ASPG: variants seen among roughly 807,000 people sequenced by gnomAD.
ASPG encodes the protein asparaginase, also known as 60 kDa lysophospholipase.
In ASPG, 53 loss-of-function variants were observed where a neutral mutation model predicts 63.2. The observed-to-expected ratio is 0.84, with a 90% CI of 0.67 to 1.05. The LOEUF (loss-of-function observed/expected upper bound fraction) is 1.05, where lower values mean the gene tolerates loss of function less well. Ranked by LOEUF, ASPG falls within the 50% of genes least tolerant of loss-of-function variation. ASPG has a pLI of 0.00. For missense variants in ASPG, 741 were observed against 794.4 expected, an observed-to-expected ratio of 0.93 and a Z score of 0.81; for synonymous variants, 370 against 355.0, an observed-to-expected ratio of 1.04 and a Z score of -0.48.
intron 6 of ASPG, 131 bp from the exon 7 acceptor site, chr14:104,103,432 G>A: frequency 1.3e-6 from 1 of 757,650 alleles, no homozygotes; most frequent in Non-Finnish European, 2.1e-6. Flanking sequence ...AGGGCGAGGG[G>A]GCTGAGCCGC....
In ASPG at chr14:104,114,928, G is replaced by A. The variant is rs1294684634; in HGVS notation, c.*2384G>A. The A allele has an allele frequency of 6.6e-6, 1 of 152,240 alleles. No homozygotes were observed. Among genetic ancestry groups the A allele is most frequent in the Non-Finnish European group, 1.5e-5 (1 of 68,074 alleles). 9.4% of individuals were successfully genotyped at this position (152,240 alleles called of 1,614,324 possible). A position where few individuals can be genotyped will look rare whatever the true frequency, so the allele number is the denominator to read the frequency against. On this transcript the variant is annotated 3_prime_UTR_variant, in exon 16 of 16. Coordinates refer to ENST00000551177, the MANE Select transcript of ASPG (RefSeq NM_001080464.3). ...CGCCTTGTCTCTTGCTGTGGTGTGA[G>A]GCTGTGGGAGACTCAGGAATGAGGC...
chr14:104,086,789 C>T (rs2036232752), intron 1 of ASPG, among the ~76,000 whole-genome samples: 2 of 152,090 alleles, frequency 1.3e-5, no homozygotes, highest in African/African-American at 4.8e-5. Context: ...ACTCCTCCTC[C>T]TCCCACTCCC....
At position 104,106,807 on chromosome 14, in the gene ASPG, T is replaced by A. The variant is rs765233261; in HGVS notation, c.1182T>A (p.Asp394Glu). Reference sequence around the variant, plus strand: ...CCGCCTTCCCCACCTAGGAGGCAGATGCCCTGCGGAATGCCCTGGTGCCCA... The same window carrying A: ...CCGCCTTCCCCACCTAGGAGGCAGAAGCCCTGCGGAATGCCCTGGTGCCCA... Reference protein sequence around the residue: ...LLSLSGSQEADALRNALVPSL... With the variant: ...LLSLSGSQEAEALRNALVPSL... Residue 394 changes from aspartate to glutamate, a missense_variant, in exon 11 of 16, where the codon GAT (aspartate) becomes GAA (glutamate). By Grantham distance (45) the Asp-to-Glu change is conservative. Transcript: ENST00000551177. The A allele has an allele frequency of 6.3e-7, 1 of 1,597,316 alleles. No homozygotes were observed. The highest frequency in any genetic ancestry group is 8.5e-7 in the Non-Finnish European group (1 of 1,173,430).
chr14:104,097,750 T>C (rs765952174), intron 5 of ASPG, 113 bp downstream of exon 5: 5 of 909,264 alleles, frequency 5.5e-6, no homozygotes, highest in Non-Finnish European at 8.5e-6. Context: ...TGCCAATAGC[T>C]GGGTGCACTG....
chr14:104,112,289 C>A (rs1355691373), intron 15 of ASPG, among the ~76,000 whole-genome samples: 1 of 152,160 alleles, frequency 6.6e-6, no homozygotes, highest in South Asian at 2.1e-4. Flanking sequence ...CCCACCCCTG[C>A]CCCTGCGCCC....
chr14:104,102,800 G>T (rs1359448434), intron 6 of ASPG, among the ~76,000 whole-genome samples: 1 of 152,196 alleles, frequency 6.6e-6, no homozygotes, highest in African/African-American at 2.4e-5. Flanking sequence ...TCGAGGACAA[G>T]CATGTCCTCT....
intron 11 of ASPG, 28 bp downstream of exon 11, chr14:104,106,922 GC>G: frequency 1.3e-6 from 2 of 1,548,036 alleles, no homozygotes; most frequent in Non-Finnish European, 1.7e-6. Flanking sequence ...TGGGGGCCCA[GC>G]CCCAGCCACG....
intron 5 of ASPG, among the ~76,000 whole-genome samples, chr14:104,098,547 G>T (rs1023864865): frequency 4.6e-5 from 7 of 152,178 alleles, no homozygotes; most frequent in African/African-American, 9.7e-5. Flanking sequence ...GTTGGGGGCA[G>T]TGGGCAGGTG....
intron 12 of ASPG, chr14:104,108,670 TC>T: frequency 5.1e-6 from 5 of 985,436 alleles, no homozygotes; most frequent in Non-Finnish European, 6.0e-6. Context: ...CCTCTGCTCC[TC>T]CTTGCTAGAG....
Position 104,109,043 on chromosome 14 carries a change from A to G in ASPG, c.1434-186A>G. ...CAAATGGAGGTGGTGGGATCCCGGG[A>G]TGATGTCACATGGGCCTAGGCAGAG... On this transcript the variant is annotated intron_variant, in intron 12 of 15. Coordinates refer to ENST00000551177, the MANE Select transcript of ASPG (RefSeq NM_001080464.3). The surrounding 1 kb of genome is among the most constrained non-coding windows in gnomAD (Gnocchi z 4.8). 2.0e-6 allele frequency: 2 copies of G among 985,266 alleles called. No homozygotes were observed. The highest frequency in any genetic ancestry group is 2.4e-6 in the Non-Finnish European group (2 of 829,904). The allele number at this position is 985,266 out of a possible 1,614,324, so 61.0% of individuals were successfully genotyped here. A position where few individuals can be genotyped will look rare whatever the true frequency, so the allele number is the denominator to read the frequency against.
rs902721685 is a variant in ASPG at position 104,109,384 on chromosome 14, C to A, written c.1520+69C>A. On this transcript the variant is annotated intron_variant, in intron 13 of 15. Coordinates refer to ENST00000551177, the MANE Select transcript of ASPG (RefSeq NM_001080464.3). The surrounding 1 kb of genome is among the most constrained non-coding windows in gnomAD (Gnocchi z 4.8). ...CACAGCTTGGGGAAGCGAAGCCAGA[C>A]CTGCTGGGAGGGACAAGTGAGTCAG... 7.4e-6 allele frequency: 11 copies of A among 1,490,396 alleles called. No homozygotes were observed. Among genetic ancestry groups the A allele is most frequent in the Non-Finnish European group, 9.9e-6 (11 of 1,108,578 alleles). 92.3% of individuals were successfully genotyped at this position (1,490,396 alleles called of 1,614,324 possible). A position where few individuals can be genotyped will look rare whatever the true frequency, so the allele number is the denominator to read the frequency against.
At chr14:104,112,489 C>T in intron 15 of ASPG, 35 bp from the exon 16 acceptor site, 2 of 1,179,084 alleles carry the variant, frequency 1.7e-6, no homozygotes, top group Non-Finnish European at 2.6e-6. Context: ...CGCACTCTAC[C>T]TGGGTGTCCT....
intron 1 of ASPG, among the ~76,000 whole-genome samples, chr14:104,089,302 C>T (rs745445428): frequency 4.6e-5 from 7 of 151,962 alleles, no homozygotes; most frequent in Non-Finnish European, 8.8e-5. Flanking sequence ...CACTTGAGAT[C>T]GGGAGTTCAA....
intron 2 of ASPG, 29 bp downstream of exon 2, chr14:104,092,770 C>G: frequency 6.6e-7 from 1 of 1,518,354 alleles, no homozygotes; most frequent in South Asian, 1.2e-5. Flanking sequence ...CAGTCCCGGA[C>G]AGGGCATGGC....
rs552427602 is a variant in ASPG, at chr14:104,105,383, G to A, written c.1106G>A (p.Arg369Gln). ...EMTPPSVEERRPSLQGNTLGG... is the reference protein window; with the variant it reads ...EMTPPSVEERQPSLQGNTLGG... ...ACGCCACCCTCGGTGGAAGAGCGCC[G>A]GCCCTCACTGCAGGGCAACACGCTG... is the stretch of plus-strand genomic sequence containing the variant. The change falls in exon 10 of 16, where the codon CGG becomes CAG. Residue 369 changes from arginine to glutamine, a missense_variant. Arg to Gln is a conservative substitution (Grantham distance 43, BLOSUM62 1). Transcript: ENST00000551177. 61 of 1,612,470 alleles carry A rather than the reference G, an allele frequency of 3.8e-5. No individual in the cohort carries two copies. Among genetic ancestry groups the A allele is most frequent in the East Asian group, 1.1e-4 (5 of 44,852 alleles).
chr14:104,113,531 T>A lies in ASPG; in HGVS notation c.*987T>A, dbSNP rs2037428420. ...CTGCTGCCCCCAGCCCCTGACCCCTTCTTGCTGGGTGTGAGGAGCATGGGG... is the reference window on the plus strand; with the variant it reads ...CTGCTGCCCCCAGCCCCTGACCCCTACTTGCTGGGTGTGAGGAGCATGGGG... On this transcript the variant is annotated 3_prime_UTR_variant, in exon 16 of 16. Coordinates refer to ENST00000551177, the MANE Select transcript of ASPG (RefSeq NM_001080464.3). The A allele has an allele frequency of 6.5e-6, 1 of 152,740 alleles. No homozygotes were observed. The allele number at this position is 152,740 out of a possible 1,614,324, so 9.5% of individuals were successfully genotyped here.
At chr14:104,093,354 A>G (rs2036436648) in intron 2 of ASPG, 137 bp from the exon 3 acceptor site, 3 of 771,352 alleles carry the variant, frequency 3.9e-6, no homozygotes, top group Admixed American at 2.0e-5. Flanking sequence ...GATGCTGAGA[A>G]CTTGCTATGT....
intron 2 of ASPG, chr14:104,093,230 C>G (rs1242282622): frequency 1.8e-6 from 1 of 567,132 alleles, no homozygotes; most frequent in Non-Finnish European, 3.2e-6. Context: ...CTGGTCCCAG[C>G]CCCCCTCTTC....
rs79086813 is a variant in ASPG at position 104,110,410 on chromosome 14, C to G, written c.1521-1092C>G. ...GGTCAAGATTTGCACTCCAGACAGGCCTTGCTGGCTCCATTGACAGATGGG... is the reference window on the plus strand; with the variant it reads ...GGTCAAGATTTGCACTCCAGACAGGGCTTGCTGGCTCCATTGACAGATGGG... On this transcript the variant is annotated intron_variant, in intron 13 of 15. Transcript: ENST00000551177. The surrounding 1 kb of genome is among the most constrained non-coding windows in gnomAD (Gnocchi z 4.7). 231 of 985,328 alleles carry G rather than the reference C, an allele frequency of 2.3e-4. 3 individuals carry two copies. The East Asian group carries it at 0.016, about 68-fold the overall frequency. The allele number at this position is 985,328 out of a possible 1,614,324, so 61.0% of individuals were successfully genotyped here.
Sources: allele counts gnomAD v4.1 joint callset (sites outside exome capture counted in the v4.1 genomes callset), GRCh38; gene constraint gnomAD v4.1.1; non-coding constraint Gnocchi (gnomAD v3.1); transcripts MANE v1.5; gene names NCBI Gene and HGNC (gene_info 2026-07-23, HGNC 2026-07-21).